PRDM9: variants seen among roughly 807,000 people sequenced by gnomAD.
PRDM9 encodes the protein histone-lysine N-methyltransferase PRDM9.
Under a neutral mutation model 55.6 loss-of-function variants are expected in PRDM9, and 47 were observed. The ratio of observed to expected loss-of-function variants is 0.85; its 90% CI spans 0.67 to 1.08. PRDM9 has a LOEUF of 1.08. Among genes scored for constraint, PRDM9 ranks in the 50% least tolerant of loss-of-function variants. The probability of loss-of-function intolerance (pLI) is 0.00; values close to 1 mark genes in which losing one functional copy is unlikely to be tolerated. For missense variants in PRDM9, 867 were observed against 1,040.3 expected (o/e 0.83, Z 2.29); for synonymous variants, 312 against 375.7 (o/e 0.83, Z 1.96).
Position 23,521,076 on chromosome 5 carries a change from A to T in PRDM9, c.405A>T (p.Arg135Ser), listed in dbSNP as rs1265871283. Residue 135 changes from arginine to serine, a missense_variant, in exon 6 of 11, where the codon AGA becomes AGT. Physicochemically the swap from Arg to Ser is moderately radical, Grantham distance 110 (BLOSUM62 -1). Around this residue, in one of 5 missense-constraint regions of PRDM9, gnomAD observed 662 missense variants for 711.9 expected, o/e 0.93. Coordinates refer to ENST00000296682, the MANE Select transcript of PRDM9 (RefSeq NM_020227.4). ...AATCTAGTTTGAAAGAATTGTCAAG[A>T]ACAGCAAATTTACTGAATGCAAGTG... ...SNESSLKELS[R>S]TANLLNASGS... 1 of 1,614,216 alleles carries T rather than the reference A, an allele frequency of 6.2e-7. No individual in the cohort carries two copies. Among genetic ancestry groups the T allele is most frequent in the South Asian group, 1.1e-5 (1 of 91,086 alleles).
In PRDM9 at chr5:23,523,393, C is replaced by A. The variant is rs770572978; in HGVS notation, c.950+35C>A. On this transcript the variant is annotated intron_variant, in intron 9 of 10. Coordinates refer to ENST00000296682, the MANE Select transcript of PRDM9 (RefSeq NM_020227.4). The stretch of plus-strand genomic sequence containing the variant: ...GTAGCTCTCTGAGTTGCAGAGAGAA[C>A]CTTCATCTCTCACAAAGCTGGATTT... The A allele has an allele frequency of 3.2e-6, 5 of 1,573,398 alleles. No individual in the cohort carries two copies. The African/African-American group carries it at 4.1e-5, about 13-fold the overall frequency.
At chr5:23,508,628 A>C (rs1739029709) in intron 1 of PRDM9, among the ~76,000 whole-genome samples, 1 of 151,724 alleles carries the variant, frequency 6.6e-6, no homozygotes. Flanking sequence ...TCTCCTTGGG[A>C]CTCCTCTGGC....
intron 10 of PRDM9, among the ~76,000 whole-genome samples, chr5:23,525,459 G>T (rs542230577): frequency 6.6e-6 from 1 of 152,256 alleles, no homozygotes; most frequent in South Asian, 2.1e-4. Context: ...ATGAATACTT[G>T]ATGGGCAGCC....
rs559080746 is a variant in PRDM9 at position 23,509,121 on chromosome 5, G to A, written c.69+19G>A. Reference sequence around the variant, plus strand: ...GCCCATGGTGAGAAGTGGAGGAAGCGAAGCTGGACTCCTAGCAGGAGCTGA... The same window carrying A: ...GCCCATGGTGAGAAGTGGAGGAAGCAAAGCTGGACTCCTAGCAGGAGCTGA... On this transcript the variant is annotated intron_variant, in intron 2 of 10. Transcript: ENST00000296682. The A allele has an allele frequency of 1.4e-4, 233 of 1,613,502 alleles. No individual in the cohort carries two copies. The highest frequency in any genetic ancestry group is 1.9e-4 in the Non-Finnish European group (219 of 1,179,456).
At chr5:23,517,627 A>G (rs1739239912) in intron 4 of PRDM9, among the ~76,000 whole-genome samples, 1 of 152,004 alleles carries the variant, frequency 6.6e-6, no homozygotes, top group African/African-American at 2.4e-5. Flanking sequence ...CTCTACTAAA[A>G]ATACAAAAAT....
chr5:23,511,935 C>G (rs1021004616), intron 4 of PRDM9, among the ~76,000 whole-genome samples: 7 of 151,236 alleles, frequency 4.6e-5, no homozygotes, highest in African/African-American at 1.7e-4. Flanking sequence ...TTTCCAGTAC[C>G]ATTCTCCATT....
intron 4 of PRDM9, among the ~76,000 whole-genome samples, chr5:23,515,685 T>C (rs867221307): frequency 1.3e-5 from 2 of 152,256 alleles, no homozygotes; most frequent in African/African-American, 2.4e-5. Flanking sequence ...TGAGTTAATT[T>C]TTATATGAGA....
At chr5:23,518,085 A>G (rs1218769219) in intron 5 of PRDM9, among the ~76,000 whole-genome samples, 155 bp downstream of exon 5, 2 of 152,324 alleles carry the variant, frequency 1.3e-5, no homozygotes, top group South Asian at 2.1e-4. Flanking sequence ...TTTAAGAGTT[A>G]ATAAGAACAG....
At position 23,522,375 on chromosome 5, in the gene PRDM9, G is replaced by A. The variant is rs373825952; in HGVS notation, c.580G>A (p.Val194Ile). The change falls in exon 7 of 11, where the codon GTC (valine) becomes ATC (isoleucine). Residue 194 changes from valine to isoleucine, a missense_variant. Val to Ile is a conservative substitution (Grantham distance 29). This residue lies in a region of PRDM9 where 662 missense variants were observed against 711.9 expected (regional missense o/e 0.93). Transcript: ENST00000296682. Reference protein sequence around the residue: ...RERKGHAYKEVSEPQDDDYLY... With the variant: ...RERKGHAYKEISEPQDDDYLY... ...AAGAAAGGGTCATGCATACAAAGAGGTCAGCGAGCCGCAGGATGATGATTA... is the reference window on the plus strand; with the variant it reads ...AAGAAAGGGTCATGCATACAAAGAGATCAGCGAGCCGCAGGATGATGATTA... 6.8e-6 allele frequency: 11 copies of A among 1,614,060 alleles called. No individual in the cohort carries two copies. In the African/African-American group the frequency reaches 1.5e-4, roughly 22 times the overall value.
At position 23,527,866 on chromosome 5, in the gene PRDM9, G is replaced by A. The variant is rs1186216789; in HGVS notation, c.*93G>A. The stretch of plus-strand genomic sequence containing the variant: ...ACCCCAGCTGTGAGGTGGCTTCAGC[G>A]GAAGTCTGCTGACCCCTTATATTCC... On this transcript the variant is annotated 3_prime_UTR_variant, in exon 11 of 11. Coordinates refer to ENST00000296682, the MANE Select transcript of PRDM9 (RefSeq NM_020227.4). The A allele has an allele frequency of 1.5e-5, 22 of 1,495,190 alleles. No homozygotes were observed. Among genetic ancestry groups the A allele is most frequent in the South Asian group, 3.5e-5 (3 of 86,956 alleles). 92.6% of individuals were successfully genotyped at this position (1,495,190 alleles called of 1,614,324 possible).
At chr5:23,519,939 G>A (rs931610679) in intron 5 of PRDM9, among the ~76,000 whole-genome samples, 4 of 151,638 alleles carry the variant, frequency 2.6e-5, no homozygotes, top group African/African-American at 9.7e-5. Context: ...AACTACTCAG[G>A]AGCCTGAAGC....
rs570441595 is a variant in PRDM9 at position 23,522,705 on chromosome 5, C to A, written c.702C>A (p.His234Gln). ...FVKDSAVDKGHPNRSALSLPP... is the reference protein window; with the variant it reads ...FVKDSAVDKGQPNRSALSLPP... ...AGGACAGTGCAGTGGACAAGGGGCA[C>A]CCCAACCGTTCAGCCCTCAGTCTGC... The change falls in exon 8 of 11, where the codon CAC (histidine) becomes CAA (glutamine). Residue 234 changes from histidine to glutamine, a missense_variant. By Grantham distance (24) the His-to-Gln change is conservative (BLOSUM62 0). Transcript: ENST00000296682. The A allele has an allele frequency of 6.2e-7, 1 of 1,614,096 alleles. No homozygotes were observed. Among genetic ancestry groups the A allele is most frequent in the Non-Finnish European group, 8.5e-7 (1 of 1,180,060 alleles).
rs188225452 is a variant in PRDM9, at chr5:23,510,452, G to A, written c.301+425G>A. Among the ~76,000 whole-genome samples the A allele has an allele frequency of 1.4e-4, 21 of 151,798 alleles. 1 individual carries two copies. Among genetic ancestry groups the A allele is most frequent in the East Asian group, 3.9e-4 (2 of 5,122 alleles). Reference sequence around the variant, plus strand: ...TGGCTCACTGCAGCCTCTGCCTTCCGGGTTAAACAATTCTCCCACCTCAGC... The same window carrying A: ...TGGCTCACTGCAGCCTCTGCCTTCCAGGTTAAACAATTCTCCCACCTCAGC... On this transcript the variant is annotated intron_variant, in intron 4 of 10. Coordinates refer to ENST00000296682, the MANE Select transcript of PRDM9 (RefSeq NM_020227.4).
At position 23,526,553 on chromosome 5, in the gene PRDM9, G is replaced by A. The variant is rs1739438027; in HGVS notation, c.1465G>A (p.Val489Met). 6.2e-7 allele frequency: 1 copy of A among 1,614,206 alleles called. No homozygotes were observed. The highest frequency in any genetic ancestry group is 8.5e-7 in the Non-Finnish European group (1 of 1,180,036). Residue 489 changes from valine (V) to methionine (M), a missense_variant, in exon 11 of 11, where the codon GTG (valine) becomes ATG (methionine). Around this residue, in one of 5 missense-constraint regions of PRDM9, gnomAD observed 662 missense variants for 711.9 expected, o/e 0.93. Transcript: ENST00000296682. Reference protein sequence around the residue: ...PPKGQMGSCRVGKRIMEEESR... With the variant: ...PPKGQMGSCRMGKRIMEEESR... ...CAAAGGACAAATGGGGAGCTGTAGA[G>A]TGGGAAAAAGAATAATGGAAGAAGA...
rs1561016061 is a variant in PRDM9, at chr5:23,509,097, C to T, written c.64C>T (p.Pro22Ser). 6.2e-7 allele frequency: 1 copy of T among 1,614,044 alleles called. No individual in the cohort carries two copies. The highest frequency in any genetic ancestry group is 8.5e-7 in the Non-Finnish European group (1 of 1,179,968). ...AGACACAGAGAGAACAGAGCGGAAG[C>T]CCATGGTGAGAAGTGGAGGAAGCGA... ...EEDTERTERK[P>S]MVKDAFKDIS... The change falls in exon 2 of 11, where the codon CCC (proline) becomes TCC (serine). Residue 22 changes from proline (P) to serine (S), a missense_variant. This residue lies in a region of PRDM9 where 662 missense variants were observed against 711.9 expected (regional missense o/e 0.93). Transcript: ENST00000296682.
intron 5 of PRDM9, among the ~76,000 whole-genome samples, chr5:23,520,163 G>A (rs1440544040): frequency 6.6e-6 from 1 of 151,626 alleles, no homozygotes; most frequent in Non-Finnish European, 1.5e-5. Context: ...TGAGGAGTTC[G>A]AGACCATCCT....
In PRDM9 at chr5:23,517,746, C is replaced by T. The variant is rs754439749; in HGVS notation, c.302-135C>T. ...AGGTTGCAGTGAGTGGAGATTGAGC[C>T]ACTGCACTCCAGCCTGGGCGACAGA... is the stretch of plus-strand genomic sequence containing the variant. On this transcript the variant is annotated intron_variant, in intron 4 of 10. Transcript: ENST00000296682. 4.0e-5 allele frequency: 33 copies of T among 827,170 alleles called. No individual in the cohort carries two copies. In the African/African-American group the frequency reaches 4.3e-4, roughly 11 times the overall value. The allele number at this position is 827,170 out of a possible 1,614,324, so 51.2% of individuals were successfully genotyped here.
chr5:23,524,786 C>T (rs1187793536), intron 10 of PRDM9, among the ~76,000 whole-genome samples: 1 of 152,176 alleles, frequency 6.6e-6, no homozygotes, highest in African/African-American at 2.4e-5. Context: ...TGCTGAAAGA[C>T]TTAAAGACAA....
rs747572279 is a variant in PRDM9, at chr5:23,526,308, T to C, written c.1220T>C (p.Val407Ala). 1.1e-5 allele frequency: 17 copies of C among 1,613,966 alleles called. No individual in the cohort carries two copies. In the Admixed American group the frequency reaches 2.2e-4, roughly 21 times the overall value. ...AGTCAGAAATTTCTCAGTCAACATG[T>C]AGAACGCAATCACTCCTCTCAGAAC... ...FSSQKFLSQH[V>A]ERNHSSQNFP... The change falls in exon 11 of 11, where the codon GTA (valine) becomes GCA (alanine). Residue 407 changes from valine to alanine, a missense_variant. Val to Ala is a moderately conservative substitution (Grantham distance 64). This residue lies in a region of PRDM9 where 662 missense variants were observed against 711.9 expected (regional missense o/e 0.93). Coordinates refer to ENST00000296682, the MANE Select transcript of PRDM9 (RefSeq NM_020227.4).
Sources: gnomAD v4.1 joint callset for allele counts (sites outside exome capture counted in the v4.1 genomes callset) on GRCh38, gnomAD v4.1.1 for gene constraint, gnomAD v4.1.1 regional missense constraint, MANE v1.5 for transcripts, NCBI Gene and HGNC (gene_info 2026-07-23, HGNC 2026-07-21) for gene names.